The following TRAM1 variants were observed in gnomAD, a reference collection of about 807,000 sequenced individuals.
TRAM1 encodes the protein translocation associated membrane protein 1.
TRAM1 carries 17 observed loss-of-function variants against 48.7 expected under a neutral mutation model. The ratio of observed to expected loss-of-function variants is 0.35; its 90% CI spans 0.24 to 0.52. The LOEUF (loss-of-function observed/expected upper bound fraction) is 0.52, where lower values mean the gene tolerates loss of function less well. Among genes scored for constraint, TRAM1 ranks in the 20% least tolerant of loss-of-function variants. The pLI is 0.94. For missense variants in TRAM1, 351 were observed against 441.5 expected (o/e 0.79, Z 1.84); for synonymous variants, 182 against 154.0 (o/e 1.18, Z -1.34).
intron 1 of TRAM1, among the ~76,000 whole-genome samples, chr8:70,601,417 G>A (rs1165833667): frequency 6.6e-6 from 1 of 152,142 alleles, no homozygotes; most frequent in Non-Finnish European, 1.5e-5. Context: ...TCCTAGAGTA[G>A]GTCATTTCCT....
At chr8:70,597,842 G>C in intron 4 of TRAM1, 53 bp downstream of exon 4, 1 of 1,351,436 alleles carries the variant, frequency 7.4e-7, no homozygotes, top group Non-Finnish European at 1.0e-6. Context: ...CATTAGCAGA[G>C]TTTCTAATCT....
chr8:70,603,742 A>G (rs1466466940), intron 1 of TRAM1, among the ~76,000 whole-genome samples: 1 of 152,136 alleles, frequency 6.6e-6, no homozygotes, highest in East Asian at 1.9e-4. Flanking sequence ...CAAACAACAA[A>G]TGAGATTCTT....
chr8:70,584,159 T>C (rs1817150159), intron 8 of TRAM1, among the ~76,000 whole-genome samples: 2 of 152,206 alleles, frequency 1.3e-5, no homozygotes, highest in Non-Finnish European at 2.9e-5. Flanking sequence ...ATATAACACA[T>C]ATTAGCCTAT....
rs1586770411 is a variant in TRAM1 at position 70,607,867 on chromosome 8, C to T, written c.123+210G>A. On this transcript the variant is annotated intron_variant, in intron 1 of 10. Transcript: ENST00000262213. ...CCCTGCGGGCCGCGATGAGGCCCAC[C>T]GGGACTTTGCATCTCCGGGCCGGCC... 3 of 492,754 alleles carry T rather than the reference C, an allele frequency of 6.1e-6. No homozygotes were observed. In the East Asian group the frequency reaches 1.2e-4, roughly 19 times the overall value. The allele number at this position is 492,754 out of a possible 1,614,324, so 30.5% of individuals were successfully genotyped here.
chr8:70,596,372 G>C (rs751219629), intron 4 of TRAM1, 51 bp from the exon 5 acceptor site: 1 of 1,344,588 alleles, frequency 7.4e-7, no homozygotes, highest in Non-Finnish European at 1.0e-6. Context: ...CAAACTTCTT[G>C]GAAAATAAGG....
In TRAM1 at chr8:70,604,662, A is replaced by G. The variant is rs115386061; in HGVS notation, c.123+3415T>C. On this transcript the variant is annotated intron_variant, in intron 1 of 10. Coordinates refer to ENST00000262213, the MANE Select transcript of TRAM1 (RefSeq NM_014294.6). ...AAAGAAAGAAAAAAAGGAAAGAAAA[A>G]AAAAACCCAAACCTTGAAAACTGTT... is the stretch of plus-strand genomic sequence containing the variant. Among the ~76,000 whole-genome samples the G allele has an allele frequency of 3.8e-3, 572 of 152,318 alleles. 4 individuals are homozygous for G. The highest frequency in any genetic ancestry group is 0.013 in the African/African-American group (542 of 41,570).
chr8:70,600,435 TAATAA>T (rs1168751102), intron 1 of TRAM1, among the ~76,000 whole-genome samples: 1 of 152,162 alleles, frequency 6.6e-6, no homozygotes, highest in Non-Finnish European at 1.5e-5. Flanking sequence ...AAGTGTAAAT[TAATAA>T]AATAAAGAGA....
chr8:70,586,278 T>G (rs1437803256), intron 8 of TRAM1, among the ~76,000 whole-genome samples: 30 of 88,008 alleles, frequency 3.4e-4, no homozygotes, highest in East Asian at 8.5e-4. Context: ...TGTTGTGGGG[T>G]GGGGGAGGGG....
In TRAM1 at chr8:70,574,130, CTTA is replaced by C. The variant is rs1319778622; in HGVS notation, c.*799_*801del. The C allele has an allele frequency of 3.1e-6, 1 of 321,162 alleles. No homozygotes were observed. Among genetic ancestry groups the C allele is most frequent in the African/African-American group, 2.3e-5 (1 of 43,056 alleles). 19.9% of individuals were successfully genotyped at this position (321,162 alleles called of 1,614,324 possible). ...TTTCTAAGATGCTGTGCATATTAAA[CTTA>C]TTATGAGCCCCATTAAGAATCATTA... is the stretch of plus-strand genomic sequence containing the variant. On this transcript the variant is annotated 3_prime_UTR_variant, in exon 11 of 11. Transcript: ENST00000262213.
At chr8:70,577,889 T>G (rs1350971412) in intron 10 of TRAM1, among the ~76,000 whole-genome samples, 1 of 152,222 alleles carries the variant, frequency 6.6e-6, no homozygotes, top group East Asian at 1.9e-4. Context: ...ATGCAGTACA[T>G]CTGGTCCAGC....
chr8:70,580,583 GC>G (rs368191592), intron 10 of TRAM1, among the ~76,000 whole-genome samples: 117 of 152,226 alleles, frequency 7.7e-4, no homozygotes, highest in African/African-American at 2.7e-3. Flanking sequence ...AAAACCCATA[GC>G]TAACATCATA....
rs1817484897 is a variant in TRAM1, at chr8:70,596,284, G to A, written c.464C>T (p.Ala155Val). Residue 155 changes from alanine to valine, a missense_variant, in exon 5 of 11, where the codon GCT becomes GTT. Coordinates refer to ENST00000262213, the MANE Select transcript of TRAM1 (RefSeq NM_014294.6). ...YISDPTILWR[A>V]YPHNLMTFQM... ...TTACGTCATCAGGTTATGGGGATAA[G>A]CCCTCCATAAGATAGTTGGGTCTGA... 1.9e-6 allele frequency: 3 copies of A among 1,600,358 alleles called. No individual in the cohort carries two copies. Among genetic ancestry groups the A allele is most frequent in the Admixed American group, 3.5e-5 (2 of 57,502 alleles).
intron 1 of TRAM1, chr8:70,607,010 A>G (rs1461726094): frequency 2.2e-6 from 2 of 921,926 alleles, no homozygotes; most frequent in Non-Finnish European, 1.3e-6. Context: ...AAATACTCCA[A>G]AATCTCTACT....
chr8:70,590,970 T>A (rs569105509), intron 6 of TRAM1, among the ~76,000 whole-genome samples: 254 of 150,014 alleles, frequency 1.7e-3, no homozygotes, highest in Non-Finnish European at 2.6e-3. Flanking sequence ...AGCTAATTAA[T>A]CTCTCTGTAT....
At position 70,574,694 on chromosome 8, in the gene TRAM1, T is replaced by C. The variant is rs536108496; in HGVS notation, c.*238A>G. The C allele has an allele frequency of 2.8e-6, 1 of 352,640 alleles. No individual in the cohort carries two copies. Among genetic ancestry groups the C allele is most frequent in the South Asian group, 5.1e-5 (1 of 19,706 alleles). 21.8% of individuals were successfully genotyped at this position (352,640 alleles called of 1,614,324 possible). Reference sequence around the variant, plus strand: ...TCAAAAATAAAAACAAAATAAAATATGGTGGTGGTCCCTAAACTATTTTGA... The same window carrying C: ...TCAAAAATAAAAACAAAATAAAATACGGTGGTGGTCCCTAAACTATTTTGA... On this transcript the variant is annotated 3_prime_UTR_variant, in exon 11 of 11. Transcript: ENST00000262213.
chr8:70,587,537 TA>T (rs1375125972), intron 6 of TRAM1: 1 of 179,778 alleles, frequency 5.6e-6, no homozygotes, highest in Non-Finnish European at 1.2e-5. Flanking sequence ...TTCAATCAGA[TA>T]AACTCAAAAT....
intron 1 of TRAM1, chr8:70,606,973 C>A: frequency 1.0e-6 from 1 of 969,520 alleles, no homozygotes. Flanking sequence ...AGGCACTATC[C>A]TAGACTCTGG....
intron 6 of TRAM1, among the ~76,000 whole-genome samples, chr8:70,593,400 TAA>T (rs751388042): frequency 2.2e-4 from 30 of 133,974 alleles, no homozygotes; most frequent in South Asian, 4.8e-4. Context: ...CAAAGGGGAT[TAA>T]AAAAAAAAAA....
In TRAM1 at chr8:70,579,738, A is replaced by G. The variant is rs998967842; in HGVS notation, c.1051+3426T>C. On this transcript the variant is annotated intron_variant, in intron 10 of 10. Coordinates refer to ENST00000262213, the MANE Select transcript of TRAM1 (RefSeq NM_014294.6). ...AGAACTGAATAAAGGGCATCTACAG[A>G]CCATTCTTAATAATGAAATACCGAA... Among the ~76,000 whole-genome samples the G allele has an allele frequency of 4.6e-5, 7 of 152,328 alleles. No individual in the cohort carries two copies. The East Asian group carries it at 1.2e-3, about 25-fold the overall frequency.
Sources: gnomAD v4.1 joint callset for allele counts (sites outside exome capture counted in the v4.1 genomes callset) on GRCh38, gnomAD v4.1.1 for gene constraint, MANE v1.5 for transcripts, NCBI Gene and HGNC (gene_info 2026-07-23, HGNC 2026-07-21) for gene names.